DSCAML1: variants seen among roughly 807,000 people sequenced by gnomAD.
The protein encoded by DSCAML1 is DS cell adhesion molecule like 1.
In DSCAML1, 38 loss-of-function variants were observed where a neutral mutation model predicts 200.5. The observed-to-expected ratio is 0.19, with a 90% CI of 0.15 to 0.25. DSCAML1 has a LOEUF of 0.25. Ranked by LOEUF, DSCAML1 falls within the 10% of genes least tolerant of loss-of-function variation. DSCAML1 has a pLI of 1.00. For synonymous variants in DSCAML1, 1,215 were observed against 1,165.0 expected (o/e 1.04, Z -0.87); for missense variants, 2,223 against 2,858.8 (o/e 0.78, Z 5.07).
In DSCAML1 at chr11:117,428,131, C is replaced by T; in HGVS notation, c.*197G>A. On this transcript the variant is annotated 3_prime_UTR_variant, in exon 33 of 33. Coordinates refer to ENST00000651296, the MANE Select transcript of DSCAML1 (RefSeq NM_020693.4). ...TACTGTCAAATTCTTTGTGCCCTGG[C>T]TTCATGGAGAAGAAGAAAATAGTTT... is the stretch of plus-strand genomic sequence containing the variant. The T allele has an allele frequency of 1.9e-6, 1 of 517,206 alleles. No homozygotes were observed. The allele number at this position is 517,206 out of a possible 1,614,324, so 32.0% of individuals were successfully genotyped here.
Position 117,556,444 on chromosome 11 carries a change from A to G in DSCAML1, c.512-23922T>C, listed in dbSNP as rs370300188. Among the ~76,000 whole-genome samples the G allele has an allele frequency of 3.0e-4, 45 of 152,298 alleles. No homozygotes were observed. The Middle Eastern group carries it at 0.014, about 46-fold the overall frequency. ...GTTATATTTACAGAGACAGAGAGAA[A>G]GAAACTGGAGACCCTTTCCTTTCTC... On this transcript the variant is annotated intron_variant, in intron 3 of 32. Coordinates refer to ENST00000651296, the MANE Select transcript of DSCAML1 (RefSeq NM_020693.4).
At chr11:117,451,616 G>A (rs1457463901) in intron 19 of DSCAML1, among the ~76,000 whole-genome samples, 3 of 152,164 alleles carry the variant, frequency 2.0e-5, no homozygotes, top group Non-Finnish European at 4.4e-5. Context: ...CCGAGGTCAG[G>A]AGTTTGAGAC....
intron 3 of DSCAML1, among the ~76,000 whole-genome samples, chr11:117,680,052 T>C (rs10892158): frequency 0.28 from 43,138 of 152,036 alleles, 7,152 homozygotes; most frequent in African/African-American, 0.46. Flanking sequence ...CTCTGGGCTT[T>C]CCTCAGTTGC....
intron 3 of DSCAML1, among the ~76,000 whole-genome samples, chr11:117,565,414 C>CTTAT (rs1241249433): frequency 6.6e-6 from 1 of 152,182 alleles, no homozygotes; most frequent in Middle Eastern, 3.2e-3. Context: ...AACACTAGGT[C>CTTAT]TTATTTCTTC....
intron 3 of DSCAML1, among the ~76,000 whole-genome samples, chr11:117,576,892 G>A (rs920677681): frequency 5.3e-5 from 8 of 152,188 alleles, no homozygotes; most frequent in Non-Finnish European, 1.0e-4. Flanking sequence ...GGTGGCCTTC[G>A]AAGGCTTATT....
intron 3 of DSCAML1, among the ~76,000 whole-genome samples, chr11:117,554,443 C>T (rs965931085): frequency 3.3e-5 from 5 of 152,032 alleles, no homozygotes; most frequent in African/African-American, 9.7e-5. Context: ...TGCGGTGGTG[C>T]GATCTCGGCT....
intron 3 of DSCAML1, among the ~76,000 whole-genome samples, chr11:117,761,427 G>C (rs1404848958): frequency 6.6e-6 from 1 of 152,246 alleles, no homozygotes; most frequent in Non-Finnish European, 1.5e-5. Flanking sequence ...CTGGAACCAA[G>C]AACCAGGAGC....
intron 20 of DSCAML1, 72 bp from the exon 21 acceptor site, chr11:117,444,111 C>T: frequency 6.6e-7 from 1 of 1,519,370 alleles, no homozygotes; most frequent in Non-Finnish European, 8.9e-7. Flanking sequence ...TTCCTCAGTG[C>T]CCGGGGCTCA....
At chr11:117,766,377 G>A (rs1057139731) in intron 3 of DSCAML1, among the ~76,000 whole-genome samples, 1 of 152,208 alleles carries the variant, frequency 6.6e-6, no homozygotes, top group Non-Finnish European at 1.5e-5. Flanking sequence ...GAGAACTAAA[G>A]CAAGATTGAT....
chr11:117,759,201 C>T (rs1038192394), intron 3 of DSCAML1, among the ~76,000 whole-genome samples: 12 of 152,300 alleles, frequency 7.9e-5, no homozygotes, highest in African/African-American at 2.9e-4. Flanking sequence ...ATACCCAGGG[C>T]ATTAGGCTTT....
intron 20 of DSCAML1, among the ~76,000 whole-genome samples, chr11:117,446,476 G>T (rs1033746331): frequency 2.0e-5 from 3 of 152,092 alleles, no homozygotes; most frequent in Admixed American, 6.6e-5. Flanking sequence ...AATATGTAAA[G>T]AACACTTATA....
intron 4 of DSCAML1, among the ~76,000 whole-genome samples, chr11:117,531,721 T>TA (rs1186621906): frequency 4.6e-5 from 7 of 151,644 alleles, no homozygotes; most frequent in South Asian, 2.1e-4. Flanking sequence ...CTGTCTCTAC[T>TA]AAAAAAACAC....
In DSCAML1 at chr11:117,469,997, G is replaced by A; in HGVS notation, c.2954-17C>T. On this transcript the variant is annotated splice_polypyrimidine_tract_variant and intron_variant, in intron 15 of 32. Transcript: ENST00000651296. This position sits in a 1 kb window ranked among gnomAD's most constrained non-coding sequence, Gnocchi z 4.1. ...CATCGGGAGCTGAGCAGGGTAGCGG[G>A]GAGGAGAAACATTACAAGTCAAGAC... 1 of 1,580,384 alleles carries A rather than the reference G, an allele frequency of 6.3e-7. No homozygotes were observed. Among genetic ancestry groups the A allele is most frequent in the Non-Finnish European group, 8.6e-7 (1 of 1,159,200 alleles).
intron 3 of DSCAML1, among the ~76,000 whole-genome samples, chr11:117,623,751 C>A (rs575506106): frequency 3.3e-5 from 5 of 152,262 alleles, no homozygotes; most frequent in African/African-American, 1.2e-4. Context: ...TGCTATATAG[C>A]AAATGTTCAA....
At chr11:117,646,588 T>C (rs993883709) in intron 3 of DSCAML1, among the ~76,000 whole-genome samples, 3 of 152,238 alleles carry the variant, frequency 2.0e-5, no homozygotes, top group African/African-American at 7.2e-5. Flanking sequence ...AACAGATTAA[T>C]GAGTGTGTGG....
rs535506762 is a variant in DSCAML1, at chr11:117,671,961, C to T, written c.511+104830G>A. The stretch of plus-strand genomic sequence containing the variant: ...CTAAAAATACAAAAAATTAGCCGGG[C>T]GCGGTGGCAGGTGCCTGTAGTCCCA... On this transcript the variant is annotated intron_variant, in intron 3 of 32. Coordinates refer to ENST00000651296, the MANE Select transcript of DSCAML1 (RefSeq NM_020693.4). Among the ~76,000 whole-genome samples the T allele has an allele frequency of 1.9e-3, 285 of 151,926 alleles. 4 individuals carry two copies. Among genetic ancestry groups the T allele is most frequent in the African/African-American group, 6.5e-3 (270 of 41,410 alleles).
intron 27 of DSCAML1, among the ~76,000 whole-genome samples, chr11:117,435,196 T>A (rs1055822699): frequency 6.6e-6 from 1 of 152,220 alleles, no homozygotes; most frequent in Non-Finnish European, 1.5e-5. Context: ...ATTTAACACC[T>A]GACATGGTGC....
intron 3 of DSCAML1, among the ~76,000 whole-genome samples, chr11:117,676,474 G>A (rs890478708): frequency 6.6e-6 from 1 of 152,198 alleles, no homozygotes; most frequent in African/African-American, 2.4e-5. Flanking sequence ...CCTTTCCCTT[G>A]TTACCATAGC....
Position 117,428,202 on chromosome 11 carries a change from T to C in DSCAML1, c.*126A>G. The C allele has an allele frequency of 1.6e-6, 1 of 634,584 alleles. No individual in the cohort carries two copies. The highest frequency in any genetic ancestry group is 1.8e-5 in the South Asian group (1 of 55,150). The allele number at this position is 634,584 out of a possible 1,614,324, so 39.3% of individuals were successfully genotyped here. ...ATGTACAGGCGTTCATGATTGGGGG[T>C]TTTTGTTTTGTCGTTGGTTGGTTTT... On this transcript the variant is annotated 3_prime_UTR_variant, in exon 33 of 33. Coordinates refer to ENST00000651296, the MANE Select transcript of DSCAML1 (RefSeq NM_020693.4).
Sources: gnomAD v4.1 joint callset for allele counts (sites outside exome capture counted in the v4.1 genomes callset) on GRCh38, gnomAD v4.1.1 for gene constraint, Gnocchi (gnomAD v3.1) non-coding constraint, MANE v1.5 for transcripts, NCBI Gene and HGNC (gene_info 2026-07-23, HGNC 2026-07-21) for gene names.